Variants in NIM1K observed in about 807,000 individuals in gnomAD.
NIM1K encodes serine/threonine-protein kinase NIM1.
In NIM1K, 35 loss-of-function variants were observed where a neutral mutation model predicts 37.1. The observed-to-expected ratio is 0.94, with a 90% confidence interval of 0.72 to 1.25. The LOEUF is 1.25. NIM1K is among the 50% of genes most tolerant of loss of function. The probability of loss-of-function intolerance (pLI) is 0.00; values close to 1 mark genes in which losing one functional copy is unlikely to be tolerated. For missense variants in NIM1K, 564 were observed against 548.0 expected, an observed-to-expected ratio of 1.03 and a Z score of -0.29; for synonymous variants, 234 against 206.6, an observed-to-expected ratio of 1.13 and a Z score of -1.14.
chr5:43,255,218 A>C (rs572696821), intron 2 of NIM1K, among the ~76,000 whole-genome samples: 39 of 152,304 alleles, frequency 2.6e-4, no homozygotes, highest in African/African-American at 8.4e-4. Context: ...CCAGGTGCAA[A>C]TGGAGCGCAC....
At position 43,253,210 on chromosome 5, in the gene NIM1K, ATATGTGTG is replaced by A. The variant is rs1255770204; in HGVS notation, c.292+7145_292+7152del. Among the ~76,000 whole-genome samples, 172 of 61,766 alleles carry A rather than the reference ATATGTGTG, an allele frequency of 2.8e-3. 1 individual carries two copies. In the South Asian group the frequency reaches 0.051, roughly 18 times the overall value. 40.5% of individuals were successfully genotyped at this position (61,766 alleles called of 152,430 possible). A position where few individuals can be genotyped will look rare whatever the true frequency, so the allele number is the denominator to read the frequency against. On this transcript the variant is annotated intron_variant, in intron 2 of 3. Coordinates refer to ENST00000326035, the MANE Select transcript of NIM1K (RefSeq NM_153361.4). Reference sequence around the variant, plus strand: ...TATATAATATAATATATAATATAATATATGTGTGTGTGTGTGTGTGTGTGTGTGTGTGT... The same window carrying A: ...TATATAATATAATATATAATATAATATGTGTGTGTGTGTGTGTGTGTGTGT...
At chr5:43,232,358 T>C in intron 1 of NIM1K, 1 of 1,343,880 alleles carries the variant, frequency 7.4e-7, no homozygotes, top group Admixed American at 1.7e-5. Context: ...TGACAGGGCA[T>C]ATGTGTCCAG....
chr5:43,195,663 A>G (rs1751901618), intron 1 of NIM1K, among the ~76,000 whole-genome samples: 2 of 3,602 alleles, frequency 5.6e-4, no homozygotes, highest in Non-Finnish European at 1.9e-3. Flanking sequence ...TCTGAATCCA[A>G]AAAAAAAAAA....
chr5:43,280,635 T>G lies in NIM1K; in HGVS notation c.1217T>G (p.Met406Arg), dbSNP rs775634443. 6.2e-7 allele frequency: 1 copy of G among 1,614,120 alleles called. No homozygotes were observed. The highest frequency in any genetic ancestry group is 2.2e-5 in the East Asian group (1 of 44,868). ...AAGGCTTTGGAAAGTGTCCCAGTCATGATGCTACCAGACCCTAAAGAAAGA... is the reference window on the plus strand; with the variant it reads ...AAGGCTTTGGAAAGTGTCCCAGTCAGGATGCTACCAGACCCTAAAGAAAGA... The part of the protein sequence containing the change: ...RKKALESVPV[M>R]MLPDPKERDL... Residue 406 changes from methionine (M) to arginine (R), a missense_variant, in exon 4 of 4, where the codon ATG becomes AGG. Physicochemically the swap from Met to Arg is moderately conservative, Grantham distance 91. Transcript: ENST00000326035.
intron 1 of NIM1K, among the ~76,000 whole-genome samples, chr5:43,200,993 C>T (rs1302185022): frequency 6.6e-6 from 1 of 151,848 alleles, no homozygotes; most frequent in Non-Finnish European, 1.5e-5. Context: ...GGCACGGTGA[C>T]AGGCTCCTGT....
At position 43,245,783 on chromosome 5, in the gene NIM1K, CAGTGT is replaced by C; in HGVS notation, c.10_14del (p.Val4TyrfsTer29). 6.3e-7 allele frequency: 1 copy of C among 1,596,216 alleles called. No homozygotes were observed. The highest frequency in any genetic ancestry group is 8.6e-7 in the Non-Finnish European group (1 of 1,169,034). ...CGTGAGCCCCCGTGGACGATGACTG[CAGTGT>C]ATATGAATGGAGGTGGCCTGGTGAA... On this transcript the variant is annotated frameshift_variant, in exon 2 of 4. Coordinates refer to ENST00000326035, the MANE Select transcript of NIM1K (RefSeq NM_153361.4). LOFTEE classifies it high-confidence loss of function.
intron 2 of NIM1K, among the ~76,000 whole-genome samples, chr5:43,267,836 TA>T (rs1753188178): frequency 6.6e-6 from 1 of 152,214 alleles, no homozygotes; most frequent in African/African-American, 2.4e-5. Flanking sequence ...TTTTGATTTT[TA>T]AAAATTATTG....
intron 2 of NIM1K, among the ~76,000 whole-genome samples, chr5:43,275,534 A>G (rs887089937): frequency 4.6e-5 from 7 of 152,222 alleles, no homozygotes; most frequent in Non-Finnish European, 4.4e-5. Context: ...CCAGCAGCAC[A>G]TTGCAGTGTT....
At chr5:43,266,434 G>T (rs1368138683) in intron 2 of NIM1K, among the ~76,000 whole-genome samples, 3 of 152,194 alleles carry the variant, frequency 2.0e-5, no homozygotes, top group African/African-American at 7.2e-5. Flanking sequence ...TGCGGGATAT[G>T]ATCTCCTGGT....
intron 2 of NIM1K, among the ~76,000 whole-genome samples, chr5:43,265,263 G>A (rs571186618): frequency 2.1e-4 from 32 of 152,262 alleles, no homozygotes; most frequent in African/African-American, 7.0e-4. Context: ...CCAATCAGAC[G>A]TAGATTTGGT....
intron 3 of NIM1K, among the ~76,000 whole-genome samples, chr5:43,277,815 T>TGTGTGTGTGA (rs532526440): frequency 1.3e-3 from 163 of 128,948 alleles, no homozygotes; most frequent in African/African-American, 4.6e-3. Flanking sequence ...TGTGTGTGTG[T>TGTGTGTGTGA]GAGAGAGAGA....
chr5:43,252,850 GT>G (rs1259409266), intron 2 of NIM1K, among the ~76,000 whole-genome samples: 2 of 151,968 alleles, frequency 1.3e-5, no homozygotes, highest in Non-Finnish European at 2.9e-5. Context: ...GAATGTGGGT[GT>G]TTTTTTCTGT....
At chr5:43,224,288 A>G (rs1752422468) in intron 1 of NIM1K, among the ~76,000 whole-genome samples, 1 of 151,988 alleles carries the variant, frequency 6.6e-6, no homozygotes, top group Non-Finnish European at 1.5e-5. Context: ...ATCTACCTGC[A>G]TTGCTTGGAC....
intron 1 of NIM1K, among the ~76,000 whole-genome samples, chr5:43,239,675 C>A (rs1169563567): frequency 2.6e-5 from 4 of 151,776 alleles, no homozygotes; most frequent in Admixed American, 2.0e-4. Context: ...TACAGGCATG[C>A]ACCACATGCT....
chr5:43,253,236 G>A (rs1299161259), intron 2 of NIM1K, among the ~76,000 whole-genome samples: 3 of 147,378 alleles, frequency 2.0e-5, no homozygotes, highest in Non-Finnish European at 4.5e-5. Flanking sequence ...GTGTGTGTGT[G>A]TGTGTGTGTG....
intron 1 of NIM1K, among the ~76,000 whole-genome samples, chr5:43,195,801 A>G (rs996121525): frequency 1.3e-5 from 2 of 152,188 alleles, no homozygotes; most frequent in Non-Finnish European, 2.9e-5. Flanking sequence ...AGCGGGAAGA[A>G]TTTAAGATTA....
chr5:43,201,973 CAAAA>C (rs1233857895), intron 1 of NIM1K, among the ~76,000 whole-genome samples: 5 of 89,038 alleles, frequency 5.6e-5, no homozygotes, highest in Non-Finnish European at 4.8e-5. Flanking sequence ...GACTCCCTCT[CAAAA>C]AAAAAAAAAA....
At chr5:43,217,873 G>T (rs1378357186) in intron 1 of NIM1K, among the ~76,000 whole-genome samples, 1 of 151,810 alleles carries the variant, frequency 6.6e-6, no homozygotes, top group Non-Finnish European at 1.5e-5. Context: ...CACCATGACT[G>T]GCTAATTTTT....
At chr5:43,240,545 CT>C (rs56934664) in intron 1 of NIM1K, among the ~76,000 whole-genome samples, 35,206 of 136,394 alleles carry the variant, frequency 0.26, 3,968 homozygotes, top group East Asian at 0.61. Context: ...CTTTCTTACA[CT>C]TTTTTTTTTT....
Sources: allele counts gnomAD v4.1 joint callset (sites outside exome capture counted in the v4.1 genomes callset), GRCh38; gene constraint gnomAD v4.1.1; transcripts MANE v1.5; gene names NCBI Gene and HGNC (gene_info 2026-07-23, HGNC 2026-07-21).